LNPEP: variants seen among roughly 807,000 people sequenced by gnomAD.
The protein encoded by LNPEP is leucyl and cystinyl aminopeptidase.
Under a neutral mutation model 120.6 loss-of-function variants are expected in LNPEP, and 64 were observed. The ratio of observed to expected loss-of-function variants is 0.53; its 90% CI spans 0.43 to 0.65. LNPEP has a LOEUF of 0.65. Ranked by LOEUF, LNPEP falls within the 30% of genes least tolerant of loss-of-function variation. LNPEP has a pLI of 0.00. For missense variants in LNPEP, 1,057 were observed against 1,200.0 expected, an observed-to-expected ratio of 0.88 and a Z score of 1.76; for synonymous variants, 435 against 425.4, an observed-to-expected ratio of 1.02 and a Z score of -0.28.
chr5:97,005,130 G>A (rs554044330), intron 9 of LNPEP, among the ~76,000 whole-genome samples: 2 of 152,092 alleles, frequency 1.3e-5, no homozygotes, highest in East Asian at 1.9e-4. Context: ...ATAAATACAA[G>A]TTTAATTAAA....
intron 8 of LNPEP, among the ~76,000 whole-genome samples, chr5:96,998,371 A>G (rs1358028635): frequency 1.3e-5 from 2 of 152,116 alleles, no homozygotes; most frequent in South Asian, 2.1e-4. Flanking sequence ...ATTCCAGACA[A>G]TTAACCAGAT....
At chr5:96,949,913 G>C (rs1050385511) in intron 1 of LNPEP, among the ~76,000 whole-genome samples, 1 of 151,974 alleles carries the variant, frequency 6.6e-6, no homozygotes, top group Non-Finnish European at 1.5e-5. Flanking sequence ...CTATCCTTCC[G>C]TCCTCCTTCC....
chr5:96,957,458 G>T (rs987769302), intron 1 of LNPEP, among the ~76,000 whole-genome samples: 9 of 152,090 alleles, frequency 5.9e-5, no homozygotes, highest in Non-Finnish European at 1.3e-4. Context: ...AATTAGAGTT[G>T]CGGTTGCTAA....
intron 4 of LNPEP, among the ~76,000 whole-genome samples, chr5:96,989,345 A>AATATATT (rs1210714949): frequency 3.9e-3 from 86 of 22,130 alleles, no homozygotes; most frequent in African/African-American, 0.015. Context: ...TATAATATAT[A>AATATATT]ATATATTATA....
At chr5:97,010,436 C>T in intron 11 of LNPEP, 1 of 984,868 alleles carries the variant, frequency 1.0e-6, no homozygotes, top group East Asian at 1.1e-4. Context: ...GCCTTTTTTT[C>T]CCCTAATAAA....
At position 96,985,069 on chromosome 5, in the gene LNPEP, G is replaced by A; in HGVS notation, c.861-11G>A. On this transcript the variant is annotated splice_polypyrimidine_tract_variant and intron_variant, in intron 2 of 17. Coordinates refer to ENST00000231368, the MANE Select transcript of LNPEP (RefSeq NM_005575.3). ...TCAGTAACTACTGGATTGAATTTGT[G>A]TTTGTTTTAGGTACTTTGCAGCAAC... 3.7e-6 allele frequency: 6 copies of A among 1,613,590 alleles called. No individual in the cohort carries two copies. Among genetic ancestry groups the A allele is most frequent in the Non-Finnish European group, 5.1e-6 (6 of 1,179,644 alleles).
chr5:96,991,716 C>T (rs569940717), intron 4 of LNPEP, among the ~76,000 whole-genome samples: 4 of 152,208 alleles, frequency 2.6e-5, no homozygotes, highest in South Asian at 4.1e-4. Context: ...TAGCCTTTGT[C>T]AGATGTATAG....
At chr5:96,955,871 C>G (rs566843690) in intron 1 of LNPEP, among the ~76,000 whole-genome samples, 1 of 152,348 alleles carries the variant, frequency 6.6e-6, no homozygotes, top group South Asian at 2.1e-4. Context: ...AACTGCTAAA[C>G]TATCTTTCAA....
chr5:97,006,093 T>C lies in LNPEP; in HGVS notation c.1806T>C (p.Asp602=). Residue 602 remains aspartate (D), a synonymous_variant, in exon 10 of 18, where the codon GAT becomes GAC. Transcript: ENST00000231368. ...TGTAGGTCACAAACCAAACACTAGA[T>C]GTAAAGAGAATGATGAAAACCTGGA... is the stretch of plus-strand genomic sequence containing the variant. The part of the protein sequence containing the change: ...SFNEVTNQTL[D]VKRMMKTWTL... 6.5e-7 allele frequency: 1 copy of C among 1,528,264 alleles called. No homozygotes were observed. Among genetic ancestry groups the C allele is most frequent in the Non-Finnish European group, 8.8e-7 (1 of 1,131,794 alleles). The allele number at this position is 1,528,264 out of a possible 1,614,324, so 94.7% of individuals were successfully genotyped here. A position where few individuals can be genotyped will look rare whatever the true frequency, so the allele number is the denominator to read the frequency against.
intron 8 of LNPEP, among the ~76,000 whole-genome samples, chr5:97,000,042 C>T (rs1790608668): frequency 6.6e-6 from 1 of 152,056 alleles, no homozygotes. Context: ...TATCAGGGGA[C>T]AAGGTGGACT....
At position 96,979,706 on chromosome 5, in the gene LNPEP, T is replaced by G; in HGVS notation, c.588T>G (p.Ile196Met). The change falls in exon 2 of 18, where the codon ATT becomes ATG. Residue 196 changes from isoleucine to methionine, a missense_variant. Ile to Met is a conservative substitution (Grantham distance 10, BLOSUM62 1). Transcript: ENST00000231368. ...TSMTFRGSVT[I>M]SVQALQVTWN... ...TGACATTCAGGGGTTCTGTGACAAT[T>G]TCAGTTCAGGCTCTTCAGGTCACAT... 6.2e-7 allele frequency: 1 copy of G among 1,614,018 alleles called. No homozygotes were observed. The highest frequency in any genetic ancestry group is 8.5e-7 in the Non-Finnish European group (1 of 1,179,956).
intron 11 of LNPEP, among the ~76,000 whole-genome samples, chr5:97,013,398 C>T (rs1442439357): frequency 6.6e-6 from 1 of 152,152 alleles, no homozygotes; most frequent in African/African-American, 2.4e-5. Flanking sequence ...AAAGCAGAGA[C>T]ATATCTACCT....
rs929109843 is a variant in LNPEP at position 97,013,338 on chromosome 5, G to A, written c.2036-310G>A. ...TGTCTTTTCTTTTTCTGTCAATAGCGCTTGTATGATATTGTACTTGCCTGT... is the reference window on the plus strand; with the variant it reads ...TGTCTTTTCTTTTTCTGTCAATAGCACTTGTATGATATTGTACTTGCCTGT... On this transcript the variant is annotated intron_variant, in intron 11 of 17. Transcript: ENST00000231368. Among the ~76,000 whole-genome samples the A allele has an allele frequency of 3.9e-5, 6 of 152,054 alleles. No individual in the cohort carries two copies. In the East Asian group the frequency reaches 7.7e-4, roughly 19 times the overall value.
In LNPEP at chr5:96,949,297, G is replaced by A. The variant is rs142975841; in HGVS notation, c.19+13123G>A. On this transcript the variant is annotated intron_variant, in intron 1 of 17. Coordinates refer to ENST00000231368, the MANE Select transcript of LNPEP (RefSeq NM_005575.3). Reference sequence around the variant, plus strand: ...GGAGGTGAGCAGTGGGCAAGTGAGCGTTACCGCCTGGGCGCCTCTCCTGTC... The same window carrying A: ...GGAGGTGAGCAGTGGGCAAGTGAGCATTACCGCCTGGGCGCCTCTCCTGTC... 2.4e-4 allele frequency among the ~76,000 whole-genome samples: 37 copies of A among 152,354 alleles called. No homozygotes were observed. In the East Asian group the frequency reaches 3.1e-3, roughly 13 times the overall value.
intron 11 of LNPEP, chr5:97,011,233 T>C (rs1292663933): frequency 1.0e-6 from 1 of 977,648 alleles, no homozygotes; most frequent in Non-Finnish European, 1.2e-6. Flanking sequence ...TCTTTACGTT[T>C]GTTTTTATTA....
At chr5:97,013,314 G>A (rs973116222) in intron 11 of LNPEP, among the ~76,000 whole-genome samples, 3 of 152,130 alleles carry the variant, frequency 2.0e-5, no homozygotes, top group Non-Finnish European at 4.4e-5. Context: ...GTTGAATGCT[G>A]TCTTTTCTTT....
intron 2 of LNPEP, among the ~76,000 whole-genome samples, chr5:96,981,564 G>A (rs1790124176): frequency 6.6e-6 from 1 of 152,174 alleles, no homozygotes; most frequent in Admixed American, 6.5e-5. Context: ...CCATTAAATA[G>A]TTAACGAGTA....
chr5:96,961,584 C>T (rs180699856), intron 1 of LNPEP, among the ~76,000 whole-genome samples: 115 of 152,180 alleles, frequency 7.6e-4, no homozygotes, highest in African/African-American at 2.7e-3. Context: ...GTGTCAGCAG[C>T]ATGGGCACTG....
At chr5:96,993,567 G>T (rs1195826522) in intron 5 of LNPEP, among the ~76,000 whole-genome samples, 1 of 152,172 alleles carries the variant, frequency 6.6e-6, no homozygotes, top group Non-Finnish European at 1.5e-5. Context: ...CTGATTGATT[G>T]TAAAGGAATT....
Sources: allele counts gnomAD v4.1 joint callset (sites outside exome capture counted in the v4.1 genomes callset), GRCh38; gene constraint gnomAD v4.1.1; transcripts MANE v1.5; gene names NCBI Gene and HGNC (gene_info 2026-07-23, HGNC 2026-07-21).